Variants in SIRPA observed in about 807,000 individuals in gnomAD.
SIRPA encodes the protein tyrosine-protein phosphatase non-receptor type substrate 1.
SIRPA carries 9 observed loss-of-function variants against 50.3 expected under a neutral mutation model. That is an observed-to-expected ratio of 0.18 (90% CI 0.11 to 0.31). The LOEUF (loss-of-function observed/expected upper bound fraction) is 0.31, where lower values mean the gene tolerates loss of function less well. Among genes scored for constraint, SIRPA ranks in the 10% least tolerant of loss-of-function variants. The probability of loss-of-function intolerance (pLI) is 1.00; values close to 1 mark genes in which losing one functional copy is unlikely to be tolerated. For synonymous variants in SIRPA, 265 were observed against 284.1 expected (o/e 0.93, Z 0.68); for missense variants, 474 against 661.6 (o/e 0.72, Z 3.11).
rs6111980 is a variant in SIRPA at position 1,918,969 on chromosome 20, A to G, written c.437-2426A>G. On this transcript the variant is annotated intron_variant, in intron 2 of 7. Transcript: ENST00000358771. Reference sequence around the variant, plus strand: ...CACCACCATGGGCCTCAGTGTCCTCACTTGTCAGTGATAACACCAACCTCA... The same window carrying G: ...CACCACCATGGGCCTCAGTGTCCTCGCTTGTCAGTGATAACACCAACCTCA... Among the ~76,000 whole-genome samples, 153 of 152,330 alleles carry G rather than the reference A, an allele frequency of 1.0e-3. 1 individual carries two copies. In the Middle Eastern group the frequency reaches 0.01, roughly 10 times the overall value.
intron 1 of SIRPA, among the ~76,000 whole-genome samples, chr20:1,902,224 A>G (rs761276145): frequency 6.6e-6 from 1 of 152,092 alleles, no homozygotes; most frequent in Non-Finnish European, 1.5e-5. Flanking sequence ...AACATGGGGT[A>G]TCATTTCACC....
chr20:1,915,430 A>G lies in SIRPA; in HGVS notation c.411A>G (p.Gly137=), dbSNP rs767350391. The change falls in exon 2 of 8, where the codon GGA becomes GGG. Residue 137 remains glycine, a synonymous_variant. Coordinates refer to ENST00000358771, the MANE Select transcript of SIRPA (RefSeq NM_001040023.2). The stretch of plus-strand genomic sequence containing the variant: ...CCGATGACGTGGAGTTTAAGTCTGG[A>G]GCAGGCACTGAGCTGTCTGTGCGCG... The part of the protein sequence containing the change: ...GSPDDVEFKS[G]AGTELSVRAK... The G allele has an allele frequency of 6.2e-7, 1 of 1,613,270 alleles. No individual in the cohort carries two copies. The highest frequency in any genetic ancestry group is 2.2e-5 in the East Asian group (1 of 44,872).
chr20:1,937,606 G>T lies in SIRPA; in HGVS notation c.*38G>T, dbSNP rs375925156. 1.4e-5 allele frequency: 22 copies of T among 1,601,798 alleles called. No homozygotes were observed. The African/African-American group carries it at 2.8e-4, about 20-fold the overall frequency. On this transcript the variant is annotated 3_prime_UTR_variant, in exon 8 of 8. Transcript: ENST00000358771. This position sits in a 1 kb window ranked among gnomAD's most constrained non-coding sequence, Gnocchi z 8.3. ...TTTGCTCTAGCACCCATCTCTACGCGCTTTCTTGTCCCACAGGGAGCCGCC... is the reference window on the plus strand; with the variant it reads ...TTTGCTCTAGCACCCATCTCTACGCTCTTTCTTGTCCCACAGGGAGCCGCC...
At chr20:1,923,148 C>T (rs542041315) in intron 4 of SIRPA, among the ~76,000 whole-genome samples, 178 of 152,350 alleles carry the variant, frequency 1.2e-3, no homozygotes, top group African/African-American at 4.0e-3. Context: ...GTGACTATTT[C>T]TGTGTGATTG....
chr20:1,926,208 C>G (rs1985967977), intron 5 of SIRPA, among the ~76,000 whole-genome samples: 1 of 152,248 alleles, frequency 6.6e-6, no homozygotes, highest in Non-Finnish European at 1.5e-5. Flanking sequence ...CCCTGCTTCT[C>G]CAGAATCTGC....
In SIRPA at chr20:1,895,643, G is replaced by A. The variant is rs577733641; in HGVS notation, c.79+117G>A. 7.9e-6 allele frequency: 6 copies of A among 758,914 alleles called. No homozygotes were observed. The East Asian group carries it at 1.0e-4, about 13-fold the overall frequency. The allele number at this position is 758,914 out of a possible 1,614,324, so 47.0% of individuals were successfully genotyped here. ...AGCAGTAATAGGGGGAGAGACGCCTGTAACCAGGGTTATAGATGCAGAAAC... is the reference window on the plus strand; with the variant it reads ...AGCAGTAATAGGGGGAGAGACGCCTATAACCAGGGTTATAGATGCAGAAAC... On this transcript the variant is annotated intron_variant, in intron 1 of 7. Transcript: ENST00000358771.
chr20:1,911,191 C>G (rs6035036), intron 1 of SIRPA, among the ~76,000 whole-genome samples: 1 of 152,162 alleles, frequency 6.6e-6, no homozygotes, highest in Non-Finnish European at 1.5e-5. Flanking sequence ...ATCTCCTTTC[C>G]TTGGATATTA....
Position 1,937,302 on chromosome 20 carries a change from T to G in SIRPA, c.1267-18T>G. 3.7e-6 allele frequency: 6 copies of G among 1,605,652 alleles called. No individual in the cohort carries two copies. Among genetic ancestry groups the G allele is most frequent in the Non-Finnish European group, 5.1e-6 (6 of 1,173,670 alleles). ...AATGACCTTCTCATGACTTTCTCTTTGGGTATCTTAAATCCAGGACACAAA... is the reference window on the plus strand; with the variant it reads ...AATGACCTTCTCATGACTTTCTCTTGGGGTATCTTAAATCCAGGACACAAA... On this transcript the variant is annotated intron_variant, in intron 7 of 7. Coordinates refer to ENST00000358771, the MANE Select transcript of SIRPA (RefSeq NM_001040023.2). This position sits in a 1 kb window ranked among gnomAD's most constrained non-coding sequence, Gnocchi z 8.3.
At chr20:1,899,594 T>C (rs1984043443) in intron 1 of SIRPA, among the ~76,000 whole-genome samples, 1 of 152,180 alleles carries the variant, frequency 6.6e-6, no homozygotes, top group African/African-American at 2.4e-5. Context: ...CCATCAGAAA[T>C]GCCCTCCCTG....
Position 1,934,718 on chromosome 20 carries a change from G to A in SIRPA, c.1230G>A (p.Leu410=), listed in dbSNP as rs200228072. The change falls in exon 7 of 8, where the codon TTG becomes TTA. Residue 410 remains leucine (L), a synonymous_variant. Coordinates refer to ENST00000358771, the MANE Select transcript of SIRPA (RefSeq NM_001040023.2). The surrounding 1 kb of genome is among the most constrained non-coding windows in gnomAD (Gnocchi z 4.6). ...TGTGTGTCTCTTTCCTTTTTAGGTTGCATGAGCCCGAGAAGAATGCCAGAG... is the reference window on the plus strand; with the variant it reads ...TGTGTGTCTCTTTCCTTTTTAGGTTACATGAGCCCGAGAAGAATGCCAGAG... ...KAQGSTSSTR[L]HEPEKNAREI... is the part of the protein sequence containing the mutation. The A allele has an allele frequency of 3.5e-5, 56 of 1,614,042 alleles. No homozygotes were observed. In the African/African-American group the frequency reaches 3.7e-4, roughly 11 times the overall value.
Position 1,915,168 on chromosome 20 carries a change from C to G in SIRPA, c.149C>G (p.Thr50Arg). ...DKSVLVAAGE[T>R]ATLRCTATSL... ...TCCGTGTTGGTTGCAGCTGGAGAGA[C>G]AGCCACTCTGCGCTGCACTGCGACC... The change falls in exon 2 of 8, where the codon ACA (threonine) becomes AGA (arginine). Residue 50 changes from threonine (T) to arginine (R), a missense_variant. Thr to Arg is a moderately conservative substitution (Grantham distance 71). Around this residue, in one of 4 missense-constraint regions of SIRPA, gnomAD observed 72 missense variants for 76.2 expected, o/e 0.94. Coordinates refer to ENST00000358771, the MANE Select transcript of SIRPA (RefSeq NM_001040023.2). 1 of 1,462,080 alleles carries G rather than the reference C, an allele frequency of 6.8e-7. No individual in the cohort carries two copies. The highest frequency in any genetic ancestry group is 9.4e-7 in the Non-Finnish European group (1 of 1,060,718). The allele number at this position is 1,462,080 out of a possible 1,614,324, so 90.6% of individuals were successfully genotyped here.
At chr20:1,919,689 T>A (rs1349571118) in intron 2 of SIRPA, among the ~76,000 whole-genome samples, 1 of 152,178 alleles carries the variant, frequency 6.6e-6, no homozygotes, top group East Asian at 1.9e-4. Flanking sequence ...AGGAGTCTGT[T>A]CCCTCCTCCT....
At chr20:1,897,161 A>G (rs973696714) in intron 1 of SIRPA, among the ~76,000 whole-genome samples, 10 of 152,196 alleles carry the variant, frequency 6.6e-5, no homozygotes, top group African/African-American at 2.4e-4. Flanking sequence ...GGGAACACCA[A>G]CACCTTTCTT....
intron 1 of SIRPA, among the ~76,000 whole-genome samples, chr20:1,913,255 AGGG>A (rs1985012500): frequency 6.6e-6 from 1 of 152,196 alleles, no homozygotes; most frequent in Non-Finnish European, 1.5e-5. Flanking sequence ...CCGGGCCCCA[AGGG>A]TGATCCCTTG....
At chr20:1,903,709 C>T (rs1004513509) in intron 1 of SIRPA, among the ~76,000 whole-genome samples, 4 of 152,112 alleles carry the variant, frequency 2.6e-5, no homozygotes, top group Non-Finnish European at 5.9e-5. Flanking sequence ...GTCTCTTCTA[C>T]GGGAGCATCT....
chr20:1,918,183 T>TTTTG (rs776532661), intron 2 of SIRPA, among the ~76,000 whole-genome samples: 9 of 142,582 alleles, frequency 6.3e-5, no homozygotes, highest in Non-Finnish European at 1.4e-4. Context: ...AATCAAGGTT[T>TTTTG]TTTGTTTGTT....
chr20:1,914,228 C>A (rs1985082535), intron 1 of SIRPA, among the ~76,000 whole-genome samples: 1 of 152,178 alleles, frequency 6.6e-6, no homozygotes, highest in African/African-American at 2.4e-5. Context: ...GGCTGTTCTA[C>A]CCATCCTGTA....
In SIRPA at chr20:1,898,706, G is replaced by A. The variant is rs895556237; in HGVS notation, c.79+3180G>A. 1.3e-5 allele frequency among the ~76,000 whole-genome samples: 2 copies of A among 152,024 alleles called. No homozygotes were observed. The highest frequency in any genetic ancestry group is 4.8e-5 in the African/African-American group (2 of 41,402). On this transcript the variant is annotated intron_variant, in intron 1 of 7. Coordinates refer to ENST00000358771, the MANE Select transcript of SIRPA (RefSeq NM_001040023.2). The surrounding 1 kb of genome is among the most constrained non-coding windows in gnomAD (Gnocchi z 4.3). ...TTAGTCCAAGCTGGAGAGGGAGTGA[G>A]AGAGGCCCCTTTCTGGCCTTGGGTG...
rs1305948018 is a variant in SIRPA at position 1,895,532 on chromosome 20, C to T, written c.79+6C>T. 1.4e-6 allele frequency: 2 copies of T among 1,446,050 alleles called. No homozygotes were observed. The highest frequency in any genetic ancestry group is 2.8e-5 in the Admixed American group (1 of 35,554). The allele number at this position is 1,446,050 out of a possible 1,614,324, so 89.6% of individuals were successfully genotyped here. Reference sequence around the variant, plus strand: ...CGCGTCCTGCGCCTGGTCAGGTAAGCACCCCCCCGCTCCCCACCGCTGCAC... The same window carrying T: ...CGCGTCCTGCGCCTGGTCAGGTAAGTACCCCCCCGCTCCCCACCGCTGCAC... On this transcript the variant is annotated splice_donor_region_variant and intron_variant, in intron 1 of 7. Coordinates refer to ENST00000358771, the MANE Select transcript of SIRPA (RefSeq NM_001040023.2).
Sources: allele counts gnomAD v4.1 joint callset (sites outside exome capture counted in the v4.1 genomes callset), GRCh38; gene constraint gnomAD v4.1.1; regional missense constraint gnomAD v4.1.1; non-coding constraint Gnocchi (gnomAD v3.1); transcripts MANE v1.5; gene names NCBI Gene and HGNC (gene_info 2026-07-23, HGNC 2026-07-21).